The following ADAMTS6 variants were observed in gnomAD, a reference collection of about 807,000 sequenced individuals.
ADAMTS6 encodes the protein ADAM metallopeptidase with thrombospondin type 1 motif 6.
In ADAMTS6, 23 loss-of-function variants were observed where a neutral mutation model predicts 144.3. The ratio of observed to expected loss-of-function variants is 0.16; its 90% confidence interval spans 0.11 to 0.23. The LOEUF (loss-of-function observed/expected upper bound fraction) is 0.23, where lower values mean the gene tolerates loss of function less well. ADAMTS6 is among the 10% of genes least tolerant of loss of function. The pLI is 1.00. For missense variants in ADAMTS6, 999 were observed against 1,379.6 expected (o/e 0.72, Z 4.37); for synonymous variants, 444 against 457.5 (o/e 0.97, Z 0.38).
At chr5:65,369,136 C>G (rs1388576010) in intron 7 of ADAMTS6, among the ~76,000 whole-genome samples, 1 of 152,152 alleles carries the variant, frequency 6.6e-6, no homozygotes, top group African/African-American at 2.4e-5. Context: ...GGGAGGATCC[C>G]TTGATCCCAG....
intron 22 of ADAMTS6, among the ~76,000 whole-genome samples, chr5:65,187,325 G>A (rs1312267245): frequency 6.6e-6 from 1 of 152,038 alleles, no homozygotes; most frequent in African/African-American, 2.4e-5. Flanking sequence ...AGTGGCTCTG[G>A]ATTTTATTAG....
At chr5:65,362,328 G>A (rs986727066) in intron 7 of ADAMTS6, among the ~76,000 whole-genome samples, 2 of 152,022 alleles carry the variant, frequency 1.3e-5, no homozygotes, top group Non-Finnish European at 2.9e-5. Context: ...TTCCCATATC[G>A]GCTATCTCAA....
chr5:65,216,792 C>G (rs1756956063), intron 18 of ADAMTS6, among the ~76,000 whole-genome samples: 1 of 151,738 alleles, frequency 6.6e-6, no homozygotes, highest in Non-Finnish European at 1.5e-5. Flanking sequence ...TACACACACA[C>G]ACACACACAC....
chr5:65,196,385 T>C (rs1185866927), intron 21 of ADAMTS6, among the ~76,000 whole-genome samples: 1 of 150,780 alleles, frequency 6.6e-6, no homozygotes, highest in Non-Finnish European at 1.5e-5. Context: ...TAGCCGGGTG[T>C]GGTGGTGGGC....
At chr5:65,169,833 C>A (rs2112064215) in intron 24 of ADAMTS6, among the ~76,000 whole-genome samples, 1 of 141,436 alleles carries the variant, frequency 7.1e-6, no homozygotes, top group Non-Finnish European at 1.5e-5. Context: ...GGGAATTGAA[C>A]AATGAGATCA....
chr5:65,156,170 T>G (rs1752405200), intron 24 of ADAMTS6, among the ~76,000 whole-genome samples: 1 of 152,178 alleles, frequency 6.6e-6, no homozygotes, highest in Admixed American at 6.6e-5. Context: ...CTCATTGCAA[T>G]TATGCTGATG....
rs769325067 is a variant in ADAMTS6 at position 65,273,434 on chromosome 5, T to C, written c.1526A>G (p.Glu509Gly). The C allele has an allele frequency of 1.2e-6, 2 of 1,613,572 alleles. No individual in the cohort carries two copies. The highest frequency in any genetic ancestry group is 1.7e-5 in the Admixed American group (1 of 60,004). ...RQCKYGEVCR[E>G]LWCLSKSNRC... ...GTTGCTTTTGCTGAGACACCAGAGC[T>C]CTCTACACACTTCCTAGGAAAGAAG... The change falls in exon 12 of 25, where the codon GAG becomes GGG. Residue 509 changes from glutamate to glycine, a missense_variant. Glu to Gly is a moderately conservative substitution (Grantham distance 98). This residue lies in a region of ADAMTS6 where 619 missense variants were observed against 837.0 expected (regional missense o/e 0.74). Coordinates refer to ENST00000381055, the MANE Select transcript of ADAMTS6 (RefSeq NM_197941.4).
intron 10 of ADAMTS6, among the ~76,000 whole-genome samples, chr5:65,292,863 A>T (rs547120318): frequency 6.6e-6 from 1 of 152,078 alleles, no homozygotes; most frequent in Admixed American, 6.5e-5. Flanking sequence ...ACTAACTAAC[A>T]AAGAACAAAC....
intron 12 of ADAMTS6, among the ~76,000 whole-genome samples, chr5:65,272,104 A>G (rs1452684331): frequency 6.6e-6 from 1 of 152,224 alleles, no homozygotes; most frequent in Non-Finnish European, 1.5e-5. Context: ...ATAAACTGTG[A>G]CAGCTGCCCA....
chr5:65,368,385 A>T (rs16893743), intron 7 of ADAMTS6, among the ~76,000 whole-genome samples: 8,182 of 152,288 alleles, frequency 0.054, 276 homozygotes, highest in East Asian at 0.11. Context: ...TTGTTGCTTC[A>T]AAGTGTCCCT....
chr5:65,272,471 C>T (rs872045), intron 12 of ADAMTS6, among the ~76,000 whole-genome samples: 77,712 of 151,760 alleles, frequency 0.51, 19,979 homozygotes, highest in Admixed American at 0.54. Context: ...ACTACAGGGG[C>T]GGGCCACTGT....
At chr5:65,456,074 A>G (rs1759171020) in intron 4 of ADAMTS6, among the ~76,000 whole-genome samples, 1 of 151,546 alleles carries the variant, frequency 6.6e-6, no homozygotes, top group Admixed American at 6.6e-5. Flanking sequence ...AAATCAAGAG[A>G]GAGAACATCT....
At chr5:65,412,859 GT>G (rs989377304) in intron 7 of ADAMTS6, among the ~76,000 whole-genome samples, 2 of 152,066 alleles carry the variant, frequency 1.3e-5, no homozygotes, top group South Asian at 2.1e-4. Context: ...TGATACCAGA[GT>G]TTTTTAATCC....
At chr5:65,347,674 C>T (rs1037792602) in intron 7 of ADAMTS6, among the ~76,000 whole-genome samples, 2 of 151,994 alleles carry the variant, frequency 1.3e-5, no homozygotes, top group African/African-American at 4.8e-5. Context: ...AATGAAAAAG[C>T]TTCTGCACAG....
intron 14 of ADAMTS6, among the ~76,000 whole-genome samples, chr5:65,253,501 T>C (rs1760368769): frequency 6.6e-6 from 1 of 152,198 alleles, no homozygotes; most frequent in Non-Finnish European, 1.5e-5. Context: ...AAAGTTTTCT[T>C]TCAAATCTTA....
intron 11 of ADAMTS6, among the ~76,000 whole-genome samples, chr5:65,290,172 T>C (rs1424895033): frequency 6.6e-6 from 1 of 152,186 alleles, no homozygotes; most frequent in Non-Finnish European, 1.5e-5. Context: ...AGAGGATACA[T>C]ACAGTGCAAT....
chr5:65,228,509 A>C (rs1156979044), intron 15 of ADAMTS6, among the ~76,000 whole-genome samples: 6 of 152,174 alleles, frequency 3.9e-5, no homozygotes, highest in Non-Finnish European at 7.3e-5. Context: ...TCCCTGCAGA[A>C]GGATCAATTT....
At chr5:65,275,353 G>GAGAAAGAA (rs71693940) in intron 11 of ADAMTS6, among the ~76,000 whole-genome samples, 1,642 of 87,136 alleles carry the variant, frequency 0.019, 33 homozygotes, top group East Asian at 0.046. Flanking sequence ...AAAGAAAGAA[G>GAGAAAGAA]AGAAAGAAAG....
chr5:65,200,306 C>G (rs1282086655), intron 20 of ADAMTS6, among the ~76,000 whole-genome samples: 1 of 152,102 alleles, frequency 6.6e-6, no homozygotes, highest in African/African-American at 2.4e-5. Context: ...GAAAATGCAG[C>G]TTTTAACTTT....
Sources: allele counts gnomAD v4.1 joint callset (sites outside exome capture counted in the v4.1 genomes callset), GRCh38; gene constraint gnomAD v4.1.1; regional missense constraint gnomAD v4.1.1; transcripts MANE v1.5; gene names NCBI Gene and HGNC (gene_info 2026-07-23, HGNC 2026-07-21).